The following ADD2 variants were observed in gnomAD, a reference collection of about 807,000 sequenced individuals.
ADD2 encodes beta-adducin.
Under a neutral mutation model 83.0 loss-of-function variants are expected in ADD2, and 23 were observed. The ratio of observed to expected loss-of-function variants is 0.28; its 90% CI spans 0.20 to 0.39. The LOEUF is 0.39. ADD2 is among the 10% of genes least tolerant of loss of function. ADD2 has a pLI of 1.00. For synonymous variants in ADD2, 375 were observed against 375.4 expected, an observed-to-expected ratio of 1.00 and a Z score of 0.01; for missense variants, 758 against 944.9, an observed-to-expected ratio of 0.80 and a Z score of 2.59.
intron 1 of ADD2, among the ~76,000 whole-genome samples, chr2:70,714,144 G>T (rs1672342977): frequency 6.6e-6 from 1 of 152,140 alleles, no homozygotes; most frequent in Non-Finnish European, 1.5e-5. Flanking sequence ...GGTCTTCAAA[G>T]CATTAATTGT....
In ADD2 at chr2:70,678,876, A is replaced by G; in HGVS notation, c.1211T>C (p.Val404Ala). ...HKSEVEIPAT[V>A]TAFVFEEDGA... Reference sequence around the variant, plus strand: ...GTCCTCCTCAAACACGAAGGCTGTGACCGTGGCTGGAATCTCCACCTCACT... The same window carrying G: ...GTCCTCCTCAAACACGAAGGCTGTGGCCGTGGCTGGAATCTCCACCTCACT... Residue 404 changes from valine to alanine, a missense_variant, in exon 11 of 16, where the codon GTC becomes GCC. Coordinates refer to ENST00000264436, the MANE Select transcript of ADD2 (RefSeq NM_001617.4). 6.2e-7 allele frequency: 1 copy of G among 1,614,170 alleles called. No individual in the cohort carries two copies. Among genetic ancestry groups the G allele is most frequent in the African/African-American group, 1.3e-5 (1 of 75,042 alleles).
At chr2:70,667,759 C>T (rs1486785131) in intron 15 of ADD2, among the ~76,000 whole-genome samples, 2 of 152,134 alleles carry the variant, frequency 1.3e-5, no homozygotes, top group East Asian at 1.9e-4. Flanking sequence ...GCTGGGATTA[C>T]AGGCGCATGT....
At chr2:70,733,854 T>C (rs1673394452) in intron 1 of ADD2, among the ~76,000 whole-genome samples, 1 of 152,210 alleles carries the variant, frequency 6.6e-6, no homozygotes. Context: ...CTTGCTGTAC[T>C]GATAAAGAAA....
intron 15 of ADD2, among the ~76,000 whole-genome samples, chr2:70,665,075 G>A (rs931583387): frequency 9.9e-5 from 15 of 152,108 alleles, no homozygotes; most frequent in Non-Finnish European, 1.8e-4. Flanking sequence ...GAAGGAACCC[G>A]GCATGCTGAG....
chr2:70,689,320 C>T (rs781960354), intron 8 of ADD2, among the ~76,000 whole-genome samples: 4 of 152,242 alleles, frequency 2.6e-5, no homozygotes, highest in Non-Finnish European at 5.9e-5. Context: ...CAAGAACTCT[C>T]TGGAACCAGA....
rs1553371846 is a variant in ADD2 at position 70,692,466 on chromosome 2, G to A, written c.642C>T (p.Ala214=). The change falls in exon 7 of 16, where the codon GCC becomes GCT. Residue 214 remains alanine, a synonymous_variant. Coordinates refer to ENST00000264436, the MANE Select transcript of ADD2 (RefSeq NM_001617.4). ...GCACGTCGGGCCTCGCTGCATAGAT[G>A]GCCGAGTGCAGACAGAAGCCTGTGG... ...VDTTGFCLHS[A]IYAARPDVRC... is the part of the protein sequence containing the mutation. The A allele has an allele frequency of 1.2e-6, 2 of 1,612,896 alleles. No homozygotes were observed. Among genetic ancestry groups the A allele is most frequent in the South Asian group, 1.1e-5 (1 of 90,924 alleles).
Position 70,658,785 on chromosome 2 carries a change from C to G in ADD2, c.*4640G>C, listed in dbSNP as rs1553364514. The G allele has an allele frequency of 6.6e-6, 1 of 152,178 alleles. No individual in the cohort carries two copies. Among genetic ancestry groups the G allele is most frequent in the Non-Finnish European group, 1.5e-5 (1 of 68,032 alleles). The allele number at this position is 152,178 out of a possible 1,614,324, so 9.4% of individuals were successfully genotyped here. On this transcript the variant is annotated 3_prime_UTR_variant, in exon 16 of 16. Coordinates refer to ENST00000264436, the MANE Select transcript of ADD2 (RefSeq NM_001617.4). ...AATGAGTAAGGGGTAAATGTTCTCT[C>G]ATTTGTTCACTAGTCAAGAACTGAT...
chr2:70,722,117 T>C (rs1553377479), intron 1 of ADD2, among the ~76,000 whole-genome samples: 1 of 152,094 alleles, frequency 6.6e-6, no homozygotes, highest in African/African-American at 2.4e-5. Flanking sequence ...GCATGGGAGG[T>C]GAGTCACACC....
At chr2:70,701,766 A>G (rs1671597233) in intron 4 of ADD2, among the ~76,000 whole-genome samples, 1 of 152,192 alleles carries the variant, frequency 6.6e-6, no homozygotes, top group African/African-American at 2.4e-5. Flanking sequence ...TAGAATGGAT[A>G]AAGATTCACT....
intron 4 of ADD2, among the ~76,000 whole-genome samples, chr2:70,700,113 C>CA (rs568633861): frequency 4.1e-4 from 62 of 151,994 alleles, no homozygotes; most frequent in African/African-American, 1.4e-3. Flanking sequence ...AAATTGTTTA[C>CA]AAAATCAAAT....
At chr2:70,715,564 G>T (rs1553376200) in intron 1 of ADD2, among the ~76,000 whole-genome samples, 1 of 152,132 alleles carries the variant, frequency 6.6e-6, no homozygotes, top group Non-Finnish European at 1.5e-5. Flanking sequence ...CTCTTGGTGT[G>T]CAGTCAAGCT....
chr2:70,733,592 T>C (rs951672689), intron 1 of ADD2, among the ~76,000 whole-genome samples: 1 of 152,224 alleles, frequency 6.6e-6, no homozygotes, highest in Non-Finnish European at 1.5e-5. Flanking sequence ...GCTTTTGATG[T>C]AGCCATTGAA....
intron 10 of ADD2, 84 bp from the exon 11 acceptor site, chr2:70,679,045 C>T (rs572671790): frequency 5.5e-6 from 8 of 1,465,202 alleles, no homozygotes; most frequent in East Asian, 2.3e-5. Context: ...CCTTTCCTTC[C>T]GTCTGCTTAA....
At chr2:70,712,468 A>AAAT (rs1558552215) in intron 2 of ADD2, among the ~76,000 whole-genome samples, 3 of 151,922 alleles carry the variant, frequency 2.0e-5, no homozygotes, top group Non-Finnish European at 2.9e-5. Flanking sequence ...AATAAAAAAA[A>AAAT]AAAAAAAGAA....
rs936475079 is a variant in ADD2 at position 70,661,188 on chromosome 2, C to G, written c.*2237G>C. 1 of 152,164 alleles carries G rather than the reference C, an allele frequency of 6.6e-6. No homozygotes were observed. Among genetic ancestry groups the G allele is most frequent in the Non-Finnish European group, 1.5e-5 (1 of 68,036 alleles). The allele number at this position is 152,164 out of a possible 1,614,324, so 9.4% of individuals were successfully genotyped here. A position where few individuals can be genotyped will look rare whatever the true frequency, so the allele number is the denominator to read the frequency against. The stretch of plus-strand genomic sequence containing the variant: ...ACATCACCCCCGAAGTAGAACAACT[C>G]GCACACAAAAGGCTGCATCAGAGGT... On this transcript the variant is annotated 3_prime_UTR_variant, in exon 16 of 16. Transcript: ENST00000264436.
intron 1 of ADD2, among the ~76,000 whole-genome samples, chr2:70,713,723 G>A (rs1672319637): frequency 6.6e-6 from 1 of 152,148 alleles, no homozygotes; most frequent in Admixed American, 6.5e-5. Context: ...AAGGCCTCCA[G>A]GGAAAGCGGT....
intron 1 of ADD2, among the ~76,000 whole-genome samples, chr2:70,735,844 G>A (rs979320292): frequency 7.1e-6 from 1 of 139,916 alleles, no homozygotes; most frequent in South Asian, 2.3e-4. Flanking sequence ...TTAGGTGCCC[G>A]CAGCCATGCC....
In ADD2 at chr2:70,731,135, A is replaced by G. The variant is rs565752891; in HGVS notation, c.-153-17951T>C. 5.3e-5 allele frequency among the ~76,000 whole-genome samples: 8 copies of G among 152,296 alleles called. No homozygotes were observed. In the East Asian group the frequency reaches 1.4e-3, roughly 26 times the overall value. On this transcript the variant is annotated intron_variant, in intron 1 of 15. Transcript: ENST00000264436. ...GGAGTGCTTAGGGGAATATATCAGG[A>G]GGATGCAGGCTGCCTTGCTTTATTG...
chr2:70,745,198 A>G (rs1216612307), intron 1 of ADD2, among the ~76,000 whole-genome samples: 1 of 152,120 alleles, frequency 6.6e-6, no homozygotes, highest in Non-Finnish European at 1.5e-5. Context: ...AGGCAGGAGA[A>G]TGGTGTGAAC....
Sources: allele counts gnomAD v4.1 joint callset (sites outside exome capture counted in the v4.1 genomes callset), GRCh38; gene constraint gnomAD v4.1.1; transcripts MANE v1.5; gene names NCBI Gene and HGNC (gene_info 2026-07-23, HGNC 2026-07-21).